Variants in SRGAP1 observed in about 807,000 individuals in gnomAD.
SRGAP1 encodes SLIT-ROBO Rho GTPase activating protein 1, also known as SLIT-ROBO Rho GTPase-activating protein 1.
Under a neutral mutation model 121.9 loss-of-function variants are expected in SRGAP1, and 43 were observed. That is an observed-to-expected ratio of 0.35 (90% confidence interval 0.28 to 0.46). SRGAP1 has a LOEUF of 0.46. SRGAP1 is among the 20% of genes least tolerant of loss of function. SRGAP1 has a pLI of 1.00. For synonymous variants in SRGAP1, 447 were observed against 485.4 expected, an observed-to-expected ratio of 0.92 and a Z score of 1.04; for missense variants, 1,102 against 1,350.9, an observed-to-expected ratio of 0.82 and a Z score of 2.89.
chr12:63,907,450 A>C (rs1180893029), intron 1 of SRGAP1, among the ~76,000 whole-genome samples: 2 of 152,186 alleles, frequency 1.3e-5, no homozygotes, highest in Middle Eastern at 6.8e-3. Context: ...AGGCAGGGGA[A>C]TCGCTTGATC....
chr12:63,918,049 A>G (rs2030869247), intron 1 of SRGAP1, among the ~76,000 whole-genome samples: 1 of 150,922 alleles, frequency 6.6e-6, no homozygotes, highest in Non-Finnish European at 1.5e-5. Context: ...TGTAGCAACA[A>G]CTATAGGATG....
chr12:64,020,432 T>C (rs1197950940), intron 4 of SRGAP1, among the ~76,000 whole-genome samples: 1 of 152,154 alleles, frequency 6.6e-6, no homozygotes, highest in Non-Finnish European at 1.5e-5. Context: ...CTTTTCTATA[T>C]TTTTGCCCAA....
chr12:64,121,757 G>C (rs187301840), intron 18 of SRGAP1, among the ~76,000 whole-genome samples: 2 of 152,230 alleles, frequency 1.3e-5, no homozygotes, highest in East Asian at 3.9e-4. Flanking sequence ...CATGCCATCT[G>C]CCTTTTACCT....
chr12:64,145,999 A>G lies in SRGAP1; in HGVS notation c.*3327A>G, dbSNP rs919860510. The G allele has an allele frequency of 6.6e-6, 1 of 152,206 alleles. No individual in the cohort carries two copies. The highest frequency in any genetic ancestry group is 2.4e-5 in the African/African-American group (1 of 41,440). The allele number at this position is 152,206 out of a possible 1,614,324, so 9.4% of individuals were successfully genotyped here. ...TGATATAACTGTGTGTTCACATCCC[A>G]TCCATAGAACTCACTGAAGGAGATT... is the stretch of plus-strand genomic sequence containing the variant. On this transcript the variant is annotated 3_prime_UTR_variant, in exon 22 of 22. Transcript: ENST00000355086.
intron 1 of SRGAP1, among the ~76,000 whole-genome samples, chr12:63,974,500 A>G (rs1172680533): frequency 6.6e-6 from 1 of 152,156 alleles, no homozygotes; most frequent in African/African-American, 2.4e-5. Context: ...CTGTACTGAG[A>G]AGACAGTTCC....
intron 1 of SRGAP1, among the ~76,000 whole-genome samples, chr12:63,878,089 T>TAGAG (rs2136283493): frequency 6.6e-6 from 1 of 152,366 alleles, no homozygotes; most frequent in East Asian, 1.9e-4. Flanking sequence ...TCTCTTTATC[T>TAGAG]AATAACAACA....
chr12:63,936,454 G>A (rs1592960692), intron 1 of SRGAP1, among the ~76,000 whole-genome samples: 1 of 152,142 alleles, frequency 6.6e-6, no homozygotes, highest in African/African-American at 2.4e-5. Flanking sequence ...CCTATGGGAC[G>A]GCAAGGGGAC....
At chr12:63,877,839 AAGGTTGTTGG>A (rs1428373848) in intron 1 of SRGAP1, among the ~76,000 whole-genome samples, 2 of 152,278 alleles carry the variant, frequency 1.3e-5, no homozygotes, top group South Asian at 4.1e-4. Context: ...CCACCTTCGT[AAGGTTGTTGG>A]ACAGATTACT....
At chr12:63,896,837 T>C (rs1238769404) in intron 1 of SRGAP1, among the ~76,000 whole-genome samples, 2 of 152,220 alleles carry the variant, frequency 1.3e-5, no homozygotes, top group Non-Finnish European at 2.9e-5. Context: ...CTGTGGGTTG[T>C]TAATTTGGAA....
chr12:63,917,307 C>A (rs977427222), intron 1 of SRGAP1, among the ~76,000 whole-genome samples: 3 of 152,100 alleles, frequency 2.0e-5, no homozygotes, highest in Non-Finnish European at 4.4e-5. Flanking sequence ...GTCCTTTGGA[C>A]CTGGAGCCTG....
At chr12:64,109,527 G>A (rs1301556385) in intron 16 of SRGAP1, among the ~76,000 whole-genome samples, 1 of 152,062 alleles carries the variant, frequency 6.6e-6, no homozygotes, top group African/African-American at 2.4e-5. Flanking sequence ...ACCTCAAAAT[G>A]TTCTCCTAAA....
intron 1 of SRGAP1, among the ~76,000 whole-genome samples, chr12:63,949,171 TTTTTTCC>T (rs1565964561): frequency 4.1e-4 from 38 of 92,776 alleles, no homozygotes; most frequent in African/African-American, 1.4e-3. Context: ...CATATATATA[TTTTTTCC>T]ATATATATTT....
chr12:63,998,983 A>G (rs1024108492), intron 3 of SRGAP1, among the ~76,000 whole-genome samples: 3 of 152,178 alleles, frequency 2.0e-5, no homozygotes, highest in Admixed American at 6.5e-5. Context: ...GGAAAGTACA[A>G]TTACAATCTT....
intron 4 of SRGAP1, chr12:64,038,947 A>G (rs2034954263): frequency 6.6e-6 from 1 of 152,178 alleles, no homozygotes; most frequent in South Asian, 2.1e-4. Flanking sequence ...TCTTTGCAGT[A>G]TGTATTCAAA....
In SRGAP1 at chr12:64,147,662, A is replaced by G; in HGVS notation, c.*4990A>G. 2.5e-6 allele frequency: 1 copy of G among 398,618 alleles called. No homozygotes were observed. Among genetic ancestry groups the G allele is most frequent in the Non-Finnish European group, 4.4e-6 (1 of 226,086 alleles). 24.7% of individuals were successfully genotyped at this position (398,618 alleles called of 1,614,324 possible). On this transcript the variant is annotated 3_prime_UTR_variant, in exon 22 of 22. Coordinates refer to ENST00000355086, the MANE Select transcript of SRGAP1 (RefSeq NM_020762.4). ...TCCCTCCTCTCTGAGGTGAAAATAA[A>G]GGGGGATGCTTTTACAGTCTGGAAA...
intron 3 of SRGAP1, among the ~76,000 whole-genome samples, chr12:64,006,610 G>A (rs537793104): frequency 1.1e-3 from 169 of 152,284 alleles, no homozygotes; most frequent in Non-Finnish European, 1.9e-3. Context: ...ATTGGAATGG[G>A]AAGAAACTTG....
intron 15 of SRGAP1, among the ~76,000 whole-genome samples, chr12:64,107,011 C>G (rs1226298265): frequency 6.6e-6 from 1 of 152,118 alleles, no homozygotes; most frequent in Admixed American, 6.6e-5. Flanking sequence ...TCAAGAGTTT[C>G]TGAAATTGCA....
chr12:64,021,559 G>A (rs191574618), intron 4 of SRGAP1, among the ~76,000 whole-genome samples: 29 of 152,282 alleles, frequency 1.9e-4, no homozygotes, highest in Middle Eastern at 3.4e-3. Context: ...TGGCAGGGTG[G>A]GATCTCAAGT....
intron 1 of SRGAP1, among the ~76,000 whole-genome samples, chr12:63,847,445 T>C (rs956437908): frequency 7.2e-5 from 11 of 152,138 alleles, no homozygotes; most frequent in African/African-American, 2.4e-4. Context: ...AACCTGACTG[T>C]GTGGGACTCA....
Sources: allele counts gnomAD v4.1 joint callset (sites outside exome capture counted in the v4.1 genomes callset), GRCh38; gene constraint gnomAD v4.1.1; transcripts MANE v1.5; gene names NCBI Gene and HGNC (gene_info 2026-07-23, HGNC 2026-07-21).